ME3: variants seen among roughly 807,000 people sequenced by gnomAD.
ME3 encodes malic enzyme 3.
A neutral mutation model predicts 68.9 loss-of-function variants in ME3; 48 were observed. That is an observed-to-expected ratio of 0.70 (90% CI 0.55 to 0.89). ME3 has a LOEUF of 0.89. Among genes scored for constraint, ME3 ranks in the 40% least tolerant of loss-of-function variants. The pLI is 0.00. For missense variants in ME3, 675 were observed against 797.4 expected, an observed-to-expected ratio of 0.85 and a Z score of 1.85; for synonymous variants, 320 against 318.8, an observed-to-expected ratio of 1.00 and a Z score of -0.04.
intron 2 of ME3, among the ~76,000 whole-genome samples, chr11:86,660,529 T>C (rs902304157): frequency 1.3e-4 from 20 of 152,230 alleles, no homozygotes; most frequent in Admixed American, 1.2e-3. Context: ...AAATATCCCA[T>C]ATCTAGAGAA....
intron 2 of ME3, among the ~76,000 whole-genome samples, chr11:86,595,302 TATATAGAG>T (rs770078546): frequency 9.5e-5 from 6 of 63,154 alleles, no homozygotes; most frequent in Non-Finnish European, 1.4e-4. Flanking sequence ...CATATATATA[TATATAGAG>T]AGAGAGAGAG....
In ME3 at chr11:86,600,865, C is replaced by T. The variant is rs1244472269; in HGVS notation, c.184-41042G>A. Among the ~76,000 whole-genome samples, 8 of 151,368 alleles carry T rather than the reference C, an allele frequency of 5.3e-5. No individual in the cohort carries two copies. In the South Asian group the frequency reaches 8.4e-4, roughly 16 times the overall value. On this transcript the variant is annotated intron_variant, in intron 2 of 14. Coordinates refer to ENST00000543262, the Ensembl canonical transcript of ME3. ...TCCTGAATGACTACTGGGTACACAA[C>T]GAAATGAAGGCAGAAATAAAGATGT...
At chr11:86,452,379 A>G (rs2031441347) in intron 8 of ME3, among the ~76,000 whole-genome samples, 1 of 152,164 alleles carries the variant, frequency 6.6e-6, no homozygotes, top group Non-Finnish European at 1.5e-5. Flanking sequence ...GACAGGGAGG[A>G]CTATGTCTGA....
intron 2 of ME3, among the ~76,000 whole-genome samples, chr11:86,575,359 G>A (rs4144867): frequency 0.55 from 80,625 of 145,962 alleles, 26,250 homozygotes; most frequent in Admixed American, 0.64. Flanking sequence ...CATTACGAAA[G>A]GGAGTTATTT....
At chr11:86,515,652 G>C (rs1398818986) in intron 4 of ME3, among the ~76,000 whole-genome samples, 1 of 152,118 alleles carries the variant, frequency 6.6e-6, no homozygotes, top group African/African-American at 2.4e-5. Flanking sequence ...AAGTCTGAAG[G>C]GGGTGCTAAA....
At chr11:86,519,764 T>C (rs1473887690) in intron 4 of ME3, among the ~76,000 whole-genome samples, 2 of 152,218 alleles carry the variant, frequency 1.3e-5, no homozygotes, top group Non-Finnish European at 2.9e-5. Context: ...TAGCTAGGTC[T>C]AAGAAGCCCA....
At chr11:86,532,444 C>T (rs1955321515) in intron 4 of ME3, among the ~76,000 whole-genome samples, 1 of 152,152 alleles carries the variant, frequency 6.6e-6, no homozygotes, top group Admixed American at 6.5e-5. Context: ...AGAACATTCT[C>T]CTGGATAGAT....
chr11:86,659,033 G>A lies in ME3; in HGVS notation c.183+12729C>T, dbSNP rs1037694980. 2.0e-5 allele frequency among the ~76,000 whole-genome samples: 3 copies of A among 152,276 alleles called. No individual in the cohort carries two copies. In the East Asian group the frequency reaches 5.8e-4, roughly 29 times the overall value. On this transcript the variant is annotated intron_variant, in intron 2 of 14. Coordinates refer to ENST00000543262, the Ensembl canonical transcript of ME3. ...CAAAAATAAAAGAGATAAGAAAGGA[G>A]AGTATGACATGAAGGCTAAGCTTTC... is the stretch of plus-strand genomic sequence containing the variant.
At chr11:86,487,477 C>G (rs113042566) in intron 6 of ME3, 37 bp from the exon 7 acceptor site, 1 of 1,531,848 alleles carries the variant, frequency 6.5e-7, no homozygotes, top group Non-Finnish European at 9.0e-7. Flanking sequence ...AGCCTACTCC[C>G]GGTGTTCCTG....
intron 2 of ME3, among the ~76,000 whole-genome samples, chr11:86,592,396 G>C (rs975179967): frequency 6.6e-5 from 10 of 152,164 alleles, no homozygotes; most frequent in African/African-American, 2.4e-4. Flanking sequence ...ATTGAGCTTT[G>C]TTGACAAAAT....
intron 7 of ME3, among the ~76,000 whole-genome samples, chr11:86,486,941 A>G (rs1951727458): frequency 6.6e-6 from 1 of 152,216 alleles, no homozygotes; most frequent in Non-Finnish European, 1.5e-5. Flanking sequence ...AAAATAACCA[A>G]ATGTGACAAG....
At chr11:86,461,512 A>G (rs543921380) in intron 8 of ME3, among the ~76,000 whole-genome samples, 1 of 152,360 alleles carries the variant, frequency 6.6e-6, no homozygotes, top group East Asian at 1.9e-4. Flanking sequence ...AAGCAGAATG[A>G]GTTGAGAGGG....
chr11:86,651,478 A>G (rs1372881656), intron 2 of ME3, among the ~76,000 whole-genome samples: 1 of 152,248 alleles, frequency 6.6e-6, no homozygotes, highest in Non-Finnish European at 1.5e-5. Context: ...ATACCCAGGC[A>G]AACAGCGTCT....
intron 8 of ME3, among the ~76,000 whole-genome samples, chr11:86,452,617 C>A (rs1949694701): frequency 6.6e-6 from 1 of 152,176 alleles, no homozygotes; most frequent in Non-Finnish European, 1.5e-5. Context: ...TAAAAATCAT[C>A]TTTGACTTCA....
chr11:86,639,280 T>C (rs1944525980), intron 2 of ME3, among the ~76,000 whole-genome samples: 1 of 152,238 alleles, frequency 6.6e-6, no homozygotes, highest in Admixed American at 6.5e-5. Context: ...ATGCATGAGC[T>C]GAGTCTCCCT....
At chr11:86,523,037 A>G (rs914649100) in intron 4 of ME3, among the ~76,000 whole-genome samples, 3 of 152,172 alleles carry the variant, frequency 2.0e-5, no homozygotes, top group Non-Finnish European at 2.9e-5. Context: ...GTAGTCTTCA[A>G]TTCACTCTTT....
chr11:86,446,344 G>A (rs1439600387), exon 13 of ME3: 1 of 1,614,142 alleles, frequency 6.2e-7, no homozygotes, highest in South Asian at 1.1e-5. Flanking sequence ...TCTCATCTGG[G>A]ATGTGCCGGA....
At chr11:86,451,462 C>T (rs74848927) in intron 8 of ME3, among the ~76,000 whole-genome samples, 2,675 of 152,304 alleles carry the variant, frequency 0.018, 38 homozygotes, top group Non-Finnish European at 0.027. Flanking sequence ...GTTTGCTTAA[C>T]GGACTTATGC....
intron 4 of ME3, among the ~76,000 whole-genome samples, chr11:86,525,500 G>A (rs1188408935): frequency 4.6e-5 from 7 of 151,012 alleles, no homozygotes; most frequent in African/African-American, 1.7e-4. Flanking sequence ...GGCTAACGTG[G>A]CTGAATGGTT....
Sources: allele counts gnomAD v4.1 joint callset (sites outside exome capture counted in the v4.1 genomes callset), GRCh38; gene constraint gnomAD v4.1.1; transcripts MANE v1.5; gene names NCBI Gene and HGNC (gene_info 2026-07-23, HGNC 2026-07-21).